STPG2: variants seen among roughly 807,000 people sequenced by gnomAD.
The protein encoded by STPG2 is sperm tail PG-rich repeat containing 2, also known as sperm-tail PG-rich repeat-containing protein 2.
STPG2 carries 56 observed loss-of-function variants against 54.2 expected under a neutral mutation model. The ratio of observed to expected loss-of-function variants is 1.03; its 90% confidence interval spans 0.83 to 1.29. The LOEUF (loss-of-function observed/expected upper bound fraction) is 1.29. Among genes scored for constraint, STPG2 ranks in the 50% most tolerant of loss-of-function variants. STPG2 has a pLI of 0.00. For synonymous variants in STPG2, 200 were observed against 181.8 expected (o/e 1.10, Z -0.81); for missense variants, 596 against 544.9 (o/e 1.09, Z -0.93).
chr4:97,524,025 CTT>C (rs1247081578), intron 4 of STPG2, among the ~76,000 whole-genome samples: 1 of 151,842 alleles, frequency 6.6e-6, no homozygotes, highest in African/African-American at 2.4e-5. Flanking sequence ...AATGAAGAGA[CTT>C]TTGCTGATCA....
At chr4:97,823,500 A>G (rs1242477951) in intron 9 of STPG2, among the ~76,000 whole-genome samples, 1 of 152,222 alleles carries the variant, frequency 6.6e-6, no homozygotes, top group Non-Finnish European at 1.5e-5. Flanking sequence ...TCCTTTTCAA[A>G]GTATTACTAC....
At chr4:97,917,668 C>A (rs1391192185) in intron 8 of STPG2, among the ~76,000 whole-genome samples, 1 of 152,078 alleles carries the variant, frequency 6.6e-6, no homozygotes, top group Non-Finnish European at 1.5e-5. Context: ...TAAAAGCTAT[C>A]TTGATACAGA....
At chr4:97,941,271 T>TG (rs2149229356) in intron 8 of STPG2, among the ~76,000 whole-genome samples, 1 of 151,720 alleles carries the variant, frequency 6.6e-6, no homozygotes, top group Non-Finnish European at 1.5e-5. Context: ...CTTCTGAAAA[T>TG]GAAAAAAAAA....
chr4:97,909,663 C>T (rs1297897578), intron 8 of STPG2, among the ~76,000 whole-genome samples: 1 of 152,010 alleles, frequency 6.6e-6, no homozygotes, highest in Admixed American at 6.6e-5. Flanking sequence ...AAAAAGTAAT[C>T]AATATAATTT....
At chr4:97,449,274 A>G (rs9999251) in intron 4 of STPG2, among the ~76,000 whole-genome samples, 12,327 of 152,156 alleles carry the variant, frequency 0.081, 702 homozygotes, top group African/African-American at 0.16. Context: ...TTTGCTTCCA[A>G]TGAAAGCAGA....
At chr4:97,859,833 T>C (rs563183223) in intron 8 of STPG2, among the ~76,000 whole-genome samples, 1 of 152,356 alleles carries the variant, frequency 6.6e-6, no homozygotes, top group Admixed American at 6.5e-5. Context: ...TTTGATGTTA[T>C]CTTCTAGAAT....
chr4:97,849,124 A>G (rs1452922580), intron 8 of STPG2, among the ~76,000 whole-genome samples: 1 of 150,324 alleles, frequency 6.7e-6, no homozygotes, highest in Non-Finnish European at 1.5e-5. Flanking sequence ...GATTCTTCCT[A>G]CCCATGAGCA....
chr4:97,536,499 G>A (rs185927851), intron 4 of STPG2, among the ~76,000 whole-genome samples: 105 of 152,196 alleles, frequency 6.9e-4, no homozygotes, highest in Non-Finnish European at 1.0e-3. Flanking sequence ...AGTTTCCTAA[G>A]GCCTCCCCAG....
chr4:97,667,684 C>T (rs1470228788), intron 10 of STPG2, among the ~76,000 whole-genome samples: 1 of 151,992 alleles, frequency 6.6e-6, no homozygotes, highest in East Asian at 1.9e-4. Flanking sequence ...AACTACATGC[C>T]AAACCAAGTA....
At chr4:97,566,526 C>T (rs971400410) in intron 10 of STPG2, among the ~76,000 whole-genome samples, 27 of 152,176 alleles carry the variant, frequency 1.8e-4, no homozygotes, top group Admixed American at 1.1e-3. Context: ...CCGTCTTCTG[C>T]GTCGCTCACG....
chr4:97,712,936 A>C, intron 9 of STPG2, 122 bp from the exon 10 acceptor site: 1 of 560,590 alleles, frequency 1.8e-6, no homozygotes, highest in Non-Finnish European at 2.9e-6. Context: ...TCTTGAACCC[A>C]TTGTTTTTGA....
intron 10 of STPG2, among the ~76,000 whole-genome samples, chr4:97,682,758 T>C (rs928441434): frequency 6.6e-6 from 1 of 151,814 alleles, no homozygotes; most frequent in African/African-American, 2.4e-5. Flanking sequence ...TTGTCTAAAG[T>C]CATACAGGTT....
At chr4:97,505,687 CTACTT>C (rs935951180) in intron 4 of STPG2, among the ~76,000 whole-genome samples, 4 of 151,768 alleles carry the variant, frequency 2.6e-5, no homozygotes, top group African/African-American at 7.2e-5. Flanking sequence ...TTTGAATAAA[CTACTT>C]TATATTTTTT....
At chr4:97,905,171 G>C (rs1483445245) in intron 8 of STPG2, among the ~76,000 whole-genome samples, 2 of 151,350 alleles carry the variant, frequency 1.3e-5, no homozygotes, top group Non-Finnish European at 3.0e-5. Flanking sequence ...CACCAAAGTT[G>C]AAATGAAGGA....
At chr4:97,969,983 A>G (rs1345626776) in intron 7 of STPG2, among the ~76,000 whole-genome samples, 1 of 152,198 alleles carries the variant, frequency 6.6e-6, no homozygotes, top group African/African-American at 2.4e-5. Context: ...AAATCAATGT[A>G]CAAAAATCAC....
At chr4:97,739,360 A>G (rs1346437771) in intron 9 of STPG2, among the ~76,000 whole-genome samples, 3 of 152,102 alleles carry the variant, frequency 2.0e-5, no homozygotes, top group Admixed American at 6.6e-5. Context: ...AAATAACTAA[A>G]ATCAGAGCAG....
chr4:97,772,424 A>G (rs1726248611), intron 9 of STPG2, among the ~76,000 whole-genome samples: 1 of 152,240 alleles, frequency 6.6e-6, no homozygotes, highest in South Asian at 2.1e-4. Context: ...TAAATAGTGA[A>G]TATACTGACA....
intron 4 of STPG2, among the ~76,000 whole-genome samples, chr4:97,517,197 T>C (rs914991893): frequency 6.6e-6 from 1 of 152,066 alleles, no homozygotes; most frequent in Non-Finnish European, 1.5e-5. Context: ...AGTGAGCCAC[T>C]GCACCCAGCC....
chr4:97,544,776 C>A (rs952102972), intron 4 of STPG2, among the ~76,000 whole-genome samples: 2 of 151,936 alleles, frequency 1.3e-5, no homozygotes, highest in African/African-American at 4.8e-5. Context: ...ACATGCTGTC[C>A]CAGATATTAC....
Sources: allele counts gnomAD v4.1 joint callset (sites outside exome capture counted in the v4.1 genomes callset), GRCh38; gene constraint gnomAD v4.1.1; transcripts MANE v1.5; gene names NCBI Gene and HGNC (gene_info 2026-07-23, HGNC 2026-07-21).